The following CFAP97 variants were observed in gnomAD, a reference collection of about 807,000 sequenced individuals.
CFAP97 encodes cilia and flagella associated protein 97.
In CFAP97, 36 loss-of-function variants were observed where a neutral mutation model predicts 43.1. The observed-to-expected ratio is 0.84, with a 90% CI of 0.64 to 1.10. The LOEUF (loss-of-function observed/expected upper bound fraction) is 1.10, where lower values mean the gene tolerates loss of function less well. Among genes scored for constraint, CFAP97 ranks in the 50% least tolerant of loss-of-function variants. The pLI is 0.00. For missense variants in CFAP97, 657 were observed against 620.3 expected, an observed-to-expected ratio of 1.06 and a Z score of -0.63; for synonymous variants, 228 against 225.7, an observed-to-expected ratio of 1.01 and a Z score of -0.09.
At chr4:185,180,550 C>T (rs1735741813) in intron 2 of CFAP97, among the ~76,000 whole-genome samples, 1 of 152,072 alleles carries the variant, frequency 6.6e-6, no homozygotes, top group South Asian at 2.1e-4. Context: ...AGCATAATGT[C>T]CTCACGGTTC....
chr4:185,182,004 T>C (rs1735811018), intron 2 of CFAP97, among the ~76,000 whole-genome samples: 2 of 152,196 alleles, frequency 1.3e-5, no homozygotes, highest in South Asian at 2.1e-4. Flanking sequence ...TCAATGCTTC[T>C]TCAATCCCAT....
At chr4:185,183,027 G>A (rs1735862930) in intron 2 of CFAP97, among the ~76,000 whole-genome samples, 1 of 152,040 alleles carries the variant, frequency 6.6e-6, no homozygotes, top group South Asian at 2.1e-4. Flanking sequence ...TTGAACCCGG[G>A]AGGTGGAGGC....
rs117573038 is a variant in CFAP97 at position 185,164,526 on chromosome 4, T to C, written c.1321-347A>G. Among the ~76,000 whole-genome samples the C allele has an allele frequency of 7.0e-3, 1,064 of 152,316 alleles. 15 individuals carry two copies. Among genetic ancestry groups the C allele is most frequent in the Admixed American group, 0.021 (324 of 15,306 alleles). On this transcript the variant is annotated intron_variant, in intron 3 of 4. Coordinates refer to ENST00000458385, the MANE Select transcript of CFAP97 (RefSeq NM_020827.3). ...CAAACCACTGTGATATAACAATTCA[T>C]CCAGAGGTGTCCAATGGAGAGAATA...
At chr4:185,175,702 G>T in intron 3 of CFAP97, 84 bp downstream of exon 3, 1 of 1,251,834 alleles carries the variant, frequency 8.0e-7, no homozygotes. Context: ...TGAATATTTG[G>T]CTGTATTTAG....
At chr4:185,192,342 C>A (rs1430734929) in intron 1 of CFAP97, among the ~76,000 whole-genome samples, 1 of 152,064 alleles carries the variant, frequency 6.6e-6, no homozygotes, top group Non-Finnish European at 1.5e-5. Context: ...CAGCCAATGG[C>A]TCTAAAATGG....
At position 185,162,223 on chromosome 4, in the gene CFAP97, C is replaced by T. The variant is rs918938826; in HGVS notation, c.*575G>A. On this transcript the variant is annotated 3_prime_UTR_variant, in exon 5 of 5. Coordinates refer to ENST00000458385, the MANE Select transcript of CFAP97 (RefSeq NM_020827.3). ...GCACTTATACAACAACTAGATACCTCTGGTGAATTACAAGAATTGCTCCAA... is the reference window on the plus strand; with the variant it reads ...GCACTTATACAACAACTAGATACCTTTGGTGAATTACAAGAATTGCTCCAA... 6.5e-6 allele frequency: 1 copy of T among 152,838 alleles called. No individual in the cohort carries two copies. The highest frequency in any genetic ancestry group is 2.4e-5 in the African/African-American group (1 of 41,452). 9.5% of individuals were successfully genotyped at this position (152,838 alleles called of 1,614,324 possible). A position where few individuals can be genotyped will look rare whatever the true frequency, so the allele number is the denominator to read the frequency against.
intron 3 of CFAP97, chr4:185,170,341 C>CTAAA (rs1455485888): frequency 5.3e-6 from 3 of 560,748 alleles, no homozygotes; most frequent in Non-Finnish European, 9.5e-6. Flanking sequence ...GCGAGATAGT[C>CTAAA]TAAATAAATA....
At chr4:185,175,538 AG>A (rs1174316046) in intron 3 of CFAP97, among the ~76,000 whole-genome samples, 2 of 152,146 alleles carry the variant, frequency 1.3e-5, no homozygotes, top group African/African-American at 2.4e-5. Context: ...GGCCTCCCAG[AG>A]TGCTAGAATT....
rs192935761 is a variant in CFAP97 at position 185,188,322 on chromosome 4, C to A, written c.1054+1821G>T. Among the ~76,000 whole-genome samples the A allele has an allele frequency of 1.1e-3, 166 of 149,738 alleles. 1 individual carries two copies. Among genetic ancestry groups the A allele is most frequent in the African/African-American group, 3.8e-3 (155 of 40,708 alleles). On this transcript the variant is annotated intron_variant, in intron 2 of 4. Transcript: ENST00000458385. ...AGGTATGTGCCACCACACCTGGCTT[C>A]ATATATATATATACACATATATACA...
chr4:185,203,901 A>G lies in CFAP97; in HGVS notation c.-20T>C, dbSNP rs1737057211. On this transcript the variant is annotated 5_prime_UTR_variant, in exon 1 of 5. Coordinates refer to ENST00000458385, the MANE Select transcript of CFAP97 (RefSeq NM_020827.3). ...GAGCCGCTCGCGCGCCCCTCACCTG[A>G]GAGCCGCGGCCACCACAGCCCCACG... 6.6e-6 allele frequency: 1 copy of G among 151,670 alleles called. No individual in the cohort carries two copies. The highest frequency in any genetic ancestry group is 1.5e-5 in the Non-Finnish European group (1 of 67,908). 9.4% of individuals were successfully genotyped at this position (151,670 alleles called of 1,614,324 possible).
rs928578402 is a variant in CFAP97 at position 185,173,688 on chromosome 4, G to A, written c.1320+2098C>T. 2.6e-5 allele frequency among the ~76,000 whole-genome samples: 4 copies of A among 152,068 alleles called. No individual in the cohort carries two copies. In the East Asian group the frequency reaches 5.8e-4, roughly 22 times the overall value. On this transcript the variant is annotated intron_variant, in intron 3 of 4. Transcript: ENST00000458385. ...CTCATATGAAATATTTAGAATAGCCGAATTCATAGAGACAGAAAGCAGACT... is the reference window on the plus strand; with the variant it reads ...CTCATATGAAATATTTAGAATAGCCAAATTCATAGAGACAGAAAGCAGACT...
At chr4:185,173,011 G>T (rs1015503234) in intron 3 of CFAP97, among the ~76,000 whole-genome samples, 1 of 151,914 alleles carries the variant, frequency 6.6e-6, no homozygotes, top group African/African-American at 2.4e-5. Context: ...TAAATAATTA[G>T]ATTTATATTA....
upstream of CFAP97, chr4:185,210,022 C>G: frequency 1.0e-6 from 1 of 983,812 alleles, no homozygotes; most frequent in Non-Finnish European, 1.2e-6. The surrounding 1 kb of genome is among the most constrained non-coding windows in gnomAD (Gnocchi z 4.4). Context: ...GGTGGCCGCA[C>G]TCGCCGCCGT....
intron 3 of CFAP97, among the ~76,000 whole-genome samples, chr4:185,166,233 C>A (rs1270030755): frequency 1.3e-5 from 2 of 152,184 alleles, no homozygotes; most frequent in Non-Finnish European, 2.9e-5. Flanking sequence ...CTCTTTCTTG[C>A]ATTGTGGACA....
chr4:185,183,822 C>T (rs1735899754), intron 2 of CFAP97, among the ~76,000 whole-genome samples: 1 of 152,198 alleles, frequency 6.6e-6, no homozygotes, highest in African/African-American at 2.4e-5. Context: ...GCGCCACCTA[C>T]TGGCAAATCT....
intron 3 of CFAP97, among the ~76,000 whole-genome samples, chr4:185,168,255 C>G (rs145988010): frequency 6.6e-6 from 1 of 150,516 alleles, no homozygotes; most frequent in East Asian, 2.0e-4. Flanking sequence ...AACTGCCACT[C>G]AAATCAGATT....
At chr4:185,208,564 C>A (rs1737307528), upstream of CFAP97, among the ~76,000 whole-genome samples, 1 of 151,778 alleles carries the variant, frequency 6.6e-6, no homozygotes, top group African/African-American at 2.4e-5. Flanking sequence ...CCCGTCTCTA[C>A]TAAAAATACA....
rs768134912 is a variant in CFAP97 at position 185,209,135 on chromosome 4, C to T, written c.-74+190G>A. 4.6e-5 allele frequency among the ~76,000 whole-genome samples: 7 copies of T among 152,182 alleles called. No homozygotes were observed. Among genetic ancestry groups the T allele is most frequent in the African/African-American group, 7.2e-5 (3 of 41,448 alleles). On this transcript the variant is annotated intron_variant, in intron 1 of 2. Transcript: ENST00000503223. This position sits in a 1 kb window ranked among gnomAD's most constrained non-coding sequence, Gnocchi z 5.2. ...TGCAGGCTTCACTTACTCCACCGCA[C>T]GTGTCTGATTCCTTCCCTAAGGCGG... is the stretch of plus-strand genomic sequence containing the variant.
In CFAP97 at chr4:185,162,778, G is replaced by A; in HGVS notation, c.*20C>T. 2 of 1,609,686 alleles carry A rather than the reference G, an allele frequency of 1.2e-6. No individual in the cohort carries two copies. Among genetic ancestry groups the A allele is most frequent in the Non-Finnish European group, 1.7e-6 (2 of 1,177,972 alleles). On this transcript the variant is annotated 3_prime_UTR_variant, in exon 5 of 5. Transcript: ENST00000458385. ...CTTCAAGAAAAGTTGTGTGAACAAT[G>A]TTTAAAGTAAAAAAGTGTTTTATAA...
Sources: gnomAD v4.1 joint callset for allele counts (sites outside exome capture counted in the v4.1 genomes callset) on GRCh38, gnomAD v4.1.1 for gene constraint, Gnocchi (gnomAD v3.1) non-coding constraint, MANE v1.5 for transcripts, NCBI Gene and HGNC (gene_info 2026-07-23, HGNC 2026-07-21) for gene names.